SIK2: variants seen among roughly 807,000 people sequenced by gnomAD.
The protein encoded by SIK2 is serine/threonine-protein kinase SIK2.
A neutral mutation model predicts 103.2 loss-of-function variants in SIK2; 29 were observed. That is an observed-to-expected ratio of 0.28 (90% CI 0.21 to 0.38). The LOEUF is 0.38. Ranked by LOEUF, SIK2 falls within the 10% of genes least tolerant of loss-of-function variation. SIK2 has a pLI of 1.00. For synonymous variants in SIK2, 412 were observed against 446.1 expected (o/e 0.92, Z 0.96); for missense variants, 879 against 1,171.0 (o/e 0.75, Z 3.64).
chr11:111,649,048 A>G (rs977251057), intron 3 of SIK2, among the ~76,000 whole-genome samples: 7 of 152,160 alleles, frequency 4.6e-5, no homozygotes, highest in Admixed American at 2.6e-4. Flanking sequence ...TCTTTCCTAA[A>G]TTCTGTCAGG....
Position 111,726,827 on chromosome 11 carries a change from A to G in SIK2, c.*2698A>G. 1 of 733,080 alleles carries G rather than the reference A, an allele frequency of 1.4e-6. No homozygotes were observed. The highest frequency in any genetic ancestry group is 2.4e-6 in the Non-Finnish European group (1 of 425,212). 45.4% of individuals were successfully genotyped at this position (733,080 alleles called of 1,614,324 possible). ...GCAGTGTGTACACTACTGTATCATC[A>G]TCAGCTTCATCACCCTGTAAACCAG... On this transcript the variant is annotated 3_prime_UTR_variant, in exon 15 of 15. Transcript: ENST00000304987.
chr11:111,649,814 T>G (rs1942304930), intron 3 of SIK2, among the ~76,000 whole-genome samples: 1 of 152,116 alleles, frequency 6.6e-6, no homozygotes, highest in Non-Finnish European at 1.5e-5. Context: ...CTGCAAATAC[T>G]TTTTTCAACA....
intron 1 of SIK2, among the ~76,000 whole-genome samples, chr11:111,609,260 A>G (rs1941687611): frequency 6.6e-6 from 1 of 152,106 alleles, no homozygotes; most frequent in African/African-American, 2.4e-5. Context: ...GTATATAACT[A>G]TCGGACCATT....
chr11:111,700,396 G>GA (rs141996414), intron 4 of SIK2, among the ~76,000 whole-genome samples: 3,228 of 152,254 alleles, frequency 0.021, 115 homozygotes, highest in African/African-American at 0.072. Flanking sequence ...TGTTACTTAG[G>GA]AAACACTGCA....
chr11:111,703,066 A>C (rs1211664835), intron 6 of SIK2, 137 bp from the exon 7 acceptor site: 1 of 694,450 alleles, frequency 1.4e-6, no homozygotes, highest in Non-Finnish European at 2.4e-6. Flanking sequence ...GCATGTGTTC[A>C]TTTATTCATT....
intron 9 of SIK2, among the ~76,000 whole-genome samples, chr11:111,719,274 T>C (rs1047653926): frequency 1.3e-5 from 2 of 152,044 alleles, no homozygotes; most frequent in Non-Finnish European, 2.9e-5. Flanking sequence ...GGGCAGGTAC[T>C]TAAATTTTGA....
intron 9 of SIK2, among the ~76,000 whole-genome samples, chr11:111,714,576 G>T (rs1233285945): frequency 6.6e-6 from 1 of 152,194 alleles, no homozygotes; most frequent in Non-Finnish European, 1.5e-5. Flanking sequence ...GATAGAGATG[G>T]TGCAGATAAA....
intron 3 of SIK2, among the ~76,000 whole-genome samples, chr11:111,684,541 GGA>G (rs745801692): frequency 2.0e-4 from 30 of 152,286 alleles, no homozygotes; most frequent in Middle Eastern, 3.4e-3. Flanking sequence ...TGGAATCTTA[GGA>G]GAGATATTAT....
chr11:111,673,966 C>T (rs541588686), intron 3 of SIK2, among the ~76,000 whole-genome samples: 75 of 151,540 alleles, frequency 4.9e-4, no homozygotes, highest in African/African-American at 1.6e-3. Flanking sequence ...CCCAGCTACT[C>T]GGGAGGCTGA....
chr11:111,689,896 G>C (rs1942904440), intron 4 of SIK2, among the ~76,000 whole-genome samples: 1 of 151,378 alleles, frequency 6.6e-6, no homozygotes, highest in Non-Finnish European at 1.5e-5. Context: ...TCTATAGTCT[G>C]TGATTTTTTT....
chr11:111,640,304 T>C lies in SIK2; in HGVS notation c.316+19902T>C, dbSNP rs565763062. Among the ~76,000 whole-genome samples, 6 of 152,334 alleles carry C rather than the reference T, an allele frequency of 3.9e-5. No individual in the cohort carries two copies. In the East Asian group the frequency reaches 1.2e-3, roughly 29 times the overall value. Reference sequence around the variant, plus strand: ...ATTTTCTTTCATTTCCAGGAATTGATGTAGGAGAGAAAACTAGCTGGTTCC... The same window carrying C: ...ATTTTCTTTCATTTCCAGGAATTGACGTAGGAGAGAAAACTAGCTGGTTCC... On this transcript the variant is annotated intron_variant, in intron 3 of 14. Transcript: ENST00000304987.
intron 4 of SIK2, among the ~76,000 whole-genome samples, chr11:111,694,251 T>A (rs1943018359): frequency 6.6e-6 from 1 of 152,232 alleles, no homozygotes; most frequent in African/African-American, 2.4e-5. Context: ...TAACTAAGGC[T>A]TTAAAGCCTT....
intron 9 of SIK2, among the ~76,000 whole-genome samples, chr11:111,717,521 G>A (rs1348436011): frequency 6.6e-6 from 1 of 152,082 alleles, no homozygotes; most frequent in Non-Finnish European, 1.5e-5. Flanking sequence ...AACCATTGTG[G>A]AAGACAGTGT....
chr11:111,696,817 A>T (rs1304944535), intron 4 of SIK2, among the ~76,000 whole-genome samples: 1 of 152,232 alleles, frequency 6.6e-6, no homozygotes, highest in African/African-American at 2.4e-5. Context: ...AGTATGATGA[A>T]GCATGAGTAT....
intron 1 of SIK2, among the ~76,000 whole-genome samples, chr11:111,607,116 A>C (rs557375804): frequency 3.9e-5 from 6 of 152,222 alleles, no homozygotes; most frequent in Non-Finnish European, 7.3e-5. Flanking sequence ...AAGAGCATGT[A>C]AATGTATAGT....
rs368155132 is a variant in SIK2 at position 111,712,390 on chromosome 11, G to T, written c.1266+15G>T. 1 of 1,608,244 alleles carries T rather than the reference G, an allele frequency of 6.2e-7. No homozygotes were observed. Among genetic ancestry groups the T allele is most frequent in the Admixed American group, 1.7e-5 (1 of 59,516 alleles). Reference sequence around the variant, plus strand: ...ACACTCCAAAGGTACGGCTATGTTTGAGAGTCTCAGAACTGGCAGTTTGGC... The same window carrying T: ...ACACTCCAAAGGTACGGCTATGTTTTAGAGTCTCAGAACTGGCAGTTTGGC... On this transcript the variant is annotated intron_variant, in intron 9 of 14. Transcript: ENST00000304987.
At chr11:111,692,078 C>T (rs570307555) in intron 4 of SIK2, among the ~76,000 whole-genome samples, 2 of 151,792 alleles carry the variant, frequency 1.3e-5, no homozygotes, top group South Asian at 2.1e-4. Context: ...AGGCCAGGCT[C>T]GGTGGCTTAT....
At chr11:111,659,585 G>A (rs1442064497) in intron 3 of SIK2, among the ~76,000 whole-genome samples, 1 of 150,902 alleles carries the variant, frequency 6.6e-6, no homozygotes, top group South Asian at 2.1e-4. Flanking sequence ...TTCCTCCGTC[G>A]CTTATTCCTT....
chr11:111,674,681 G>A (rs1392791012), intron 3 of SIK2, among the ~76,000 whole-genome samples: 1 of 151,972 alleles, frequency 6.6e-6, no homozygotes, highest in Non-Finnish European at 1.5e-5. Flanking sequence ...ACAATTGTGA[G>A]TTTTATAGCT....
Sources: gnomAD v4.1 joint callset for allele counts (sites outside exome capture counted in the v4.1 genomes callset) on GRCh38, gnomAD v4.1.1 for gene constraint, MANE v1.5 for transcripts, NCBI Gene and HGNC (gene_info 2026-07-23, HGNC 2026-07-21) for gene names.